Variants in NTN1 observed in about 807,000 individuals in gnomAD.
The protein encoded by NTN1 is netrin-1.
A neutral mutation model predicts 54.2 loss-of-function variants in NTN1; 11 were observed. The ratio of observed to expected loss-of-function variants is 0.20; its 90% CI spans 0.13 to 0.34. NTN1 has a LOEUF of 0.34. NTN1 is among the 10% of genes least tolerant of loss of function. The probability of loss-of-function intolerance (pLI) is 1.00; values close to 1 mark genes in which losing one functional copy is unlikely to be tolerated. For missense variants in NTN1, 740 were observed against 893.1 expected, an observed-to-expected ratio of 0.83 and a Z score of 2.18; for synonymous variants, 371 against 382.0, an observed-to-expected ratio of 0.97 and a Z score of 0.33.
intron 2 of NTN1, among the ~76,000 whole-genome samples, chr17:9,133,091 G>C (rs1034858702): frequency 7.3e-5 from 9 of 122,512 alleles, no homozygotes; most frequent in Non-Finnish European, 1.3e-4. Context: ...CCTTCACCCA[G>C]TGCGAGCCAC....
At chr17:9,091,175 A>G (rs1453202414) in intron 2 of NTN1, among the ~76,000 whole-genome samples, 2 of 152,212 alleles carry the variant, frequency 1.3e-5, no homozygotes, top group African/African-American at 4.8e-5. Context: ...TTAAAAATGG[A>G]AACATTTTAT....
At chr17:9,020,004 T>A (rs778899005), upstream of NTN1, among the ~76,000 whole-genome samples, 14 of 152,194 alleles carry the variant, frequency 9.2e-5, no homozygotes, top group Non-Finnish European at 1.6e-4. Flanking sequence ...TGCAATGGAA[T>A]GGATTTATTT....
chr17:9,094,988 CAAAAAAAA>C (rs71135941), intron 2 of NTN1, among the ~76,000 whole-genome samples: 3 of 99,916 alleles, frequency 3.0e-5, no homozygotes, highest in Non-Finnish European at 6.0e-5. Flanking sequence ...GACTCCGTCT[CAAAAAAAA>C]AAAAAAAAAA....
intron 2 of NTN1, among the ~76,000 whole-genome samples, chr17:9,118,323 C>T (rs903891577): frequency 1.3e-5 from 2 of 152,116 alleles, no homozygotes; most frequent in Non-Finnish European, 2.9e-5. Context: ...AGTTCAAGAC[C>T]AGCCTGGCCA....
At chr17:9,124,245 A>G (rs1435356331) in intron 2 of NTN1, among the ~76,000 whole-genome samples, 3 of 152,216 alleles carry the variant, frequency 2.0e-5, no homozygotes, top group Admixed American at 6.5e-5. Context: ...TGCCGGGCAC[A>G]ATCCTTGTTT....
chr17:9,168,304 G>A (rs985854267), intron 3 of NTN1, among the ~76,000 whole-genome samples: 31 of 152,114 alleles, frequency 2.0e-4, no homozygotes, highest in African/African-American at 7.5e-4. Context: ...AGGCCACGGC[G>A]GGCGGATTAC....
At chr17:9,134,510 T>C (rs951094542) in intron 2 of NTN1, among the ~76,000 whole-genome samples, 2 of 152,216 alleles carry the variant, frequency 1.3e-5, no homozygotes, top group Non-Finnish European at 2.9e-5. Flanking sequence ...TTAACAGAAC[T>C]ACTCACGTCA....
chr17:9,080,411 T>A (rs1167850899), intron 2 of NTN1, among the ~76,000 whole-genome samples: 1 of 152,254 alleles, frequency 6.6e-6, no homozygotes, highest in East Asian at 1.9e-4. Flanking sequence ...TGGTTCCAGT[T>A]ATCCATCTCT....
chr17:9,060,974 CA>C (rs10689277), intron 2 of NTN1, among the ~76,000 whole-genome samples: 17 of 108,780 alleles, frequency 1.6e-4, no homozygotes, highest in Non-Finnish European at 2.3e-4. Context: ...GACTCTGTCT[CA>C]AAAAAAAAAA....
At chr17:9,063,738 T>C (rs9901743) in intron 2 of NTN1, among the ~76,000 whole-genome samples, 139,379 of 151,922 alleles carry the variant, frequency 0.92, 64,056 homozygotes, top group East Asian at 1. Flanking sequence ...TTAGTAGAGA[T>C]GGGGTTTCAC....
Position 9,023,107 on chromosome 17 carries a change from C to A in NTN1, c.734C>A (p.Thr245Lys). 1 of 1,567,624 alleles carries A rather than the reference C, an allele frequency of 6.4e-7. No individual in the cohort carries two copies. The highest frequency in any genetic ancestry group is 8.6e-7 in the Non-Finnish European group (1 of 1,156,946). Residue 245 changes from threonine to lysine, a missense_variant, in exon 2 of 7, where the codon ACA becomes AAA. Thr to Lys is a moderately conservative substitution (Grantham distance 78). Coordinates refer to ENST00000173229, the MANE Select transcript of NTN1 (RefSeq NM_004822.3). ...GTGCTGCAGGACTGGGTCACGGCCA[C>A]AGACATCCGCGTGGCCTTCAGCCGC... Reference protein sequence around the residue: ...SPVLQDWVTATDIRVAFSRLH... With the variant: ...SPVLQDWVTAKDIRVAFSRLH...
Position 9,228,320 on chromosome 17 carries a change from G to A in NTN1, c.1486+7078G>A, listed in dbSNP as rs1340875124. Among the ~76,000 whole-genome samples the A allele has an allele frequency of 2.0e-5, 3 of 152,252 alleles. No individual in the cohort carries two copies. In the East Asian group the frequency reaches 5.8e-4, roughly 29 times the overall value. On this transcript the variant is annotated intron_variant, in intron 6 of 6. Coordinates refer to ENST00000173229, the MANE Select transcript of NTN1 (RefSeq NM_004822.3). ...GTCTCTAAGCAAGAAGCTAGGCATA[G>A]CACGAGGAAACGGGAGAAGAGTAAG... is the stretch of plus-strand genomic sequence containing the variant.
At chr17:9,233,534 T>C (rs146174078) in intron 6 of NTN1, among the ~76,000 whole-genome samples, 1,535 of 152,062 alleles carry the variant, frequency 0.01, 51 homozygotes, top group African/African-American at 0.035. Context: ...TCAGAAGGTC[T>C]AGAGCTCACA....
At chr17:9,096,859 A>G (rs1183285558) in intron 2 of NTN1, among the ~76,000 whole-genome samples, 1 of 152,214 alleles carries the variant, frequency 6.6e-6, no homozygotes, top group Non-Finnish European at 1.5e-5. Context: ...TTCTCTGCTT[A>G]AGGAGTGTTA....
intron 4 of NTN1, among the ~76,000 whole-genome samples, chr17:9,180,820 G>A (rs1567731049): frequency 6.6e-6 from 1 of 152,214 alleles, no homozygotes; most frequent in Admixed American, 6.5e-5. Flanking sequence ...CCTTGGTAGA[G>A]GGGGCTCAGC....
chr17:9,148,385 C>T (rs2092319362), intron 2 of NTN1, among the ~76,000 whole-genome samples: 1 of 152,156 alleles, frequency 6.6e-6, no homozygotes, highest in East Asian at 1.9e-4. Context: ...GTTGAGGGGC[C>T]CTTTTAACCT....
At chr17:9,075,418 G>A (rs2092046042) in intron 2 of NTN1, among the ~76,000 whole-genome samples, 1 of 152,176 alleles carries the variant, frequency 6.6e-6, no homozygotes, top group Admixed American at 6.6e-5. Flanking sequence ...GAAGGTGGAG[G>A]TTGTAGTGAG....
chr17:9,167,683 C>A (rs771632685), intron 3 of NTN1, among the ~76,000 whole-genome samples: 1 of 152,204 alleles, frequency 6.6e-6, no homozygotes, highest in African/African-American at 2.4e-5. Flanking sequence ...TTTGCTAGGA[C>A]GTTCTTGCTA....
At chr17:9,127,077 G>A (rs114259412) in intron 2 of NTN1, among the ~76,000 whole-genome samples, 2,554 of 145,906 alleles carry the variant, frequency 0.018, 125 homozygotes, top group African/African-American at 0.061. Flanking sequence ...GGGCCGGGGG[G>A]GGGCAGGACA....
Sources: gnomAD v4.1 joint callset for allele counts (sites outside exome capture counted in the v4.1 genomes callset) on GRCh38, gnomAD v4.1.1 for gene constraint, MANE v1.5 for transcripts, NCBI Gene and HGNC (gene_info 2026-07-23, HGNC 2026-07-21) for gene names.